The following STIM2 variants were observed in gnomAD, a reference collection of about 807,000 sequenced individuals.
STIM2 encodes stromal interaction molecule 2.
STIM2 carries 31 observed loss-of-function variants against 85.8 expected under a neutral mutation model. That is an observed-to-expected ratio of 0.36 (90% CI 0.27 to 0.49). The LOEUF is 0.49. Ranked by LOEUF, STIM2 falls within the 20% of genes least tolerant of loss-of-function variation. STIM2 has a pLI of 0.98. For missense variants in STIM2, 841 were observed against 927.6 expected (o/e 0.91, Z 1.21); for synonymous variants, 356 against 331.1 (o/e 1.08, Z -0.82).
chr4:26,892,541 A>G lies in STIM2; in HGVS notation c.152-26963A>G, dbSNP rs2109045927. On this transcript the variant is annotated intron_variant, in intron 1 of 11. Transcript: ENST00000467087. Reference sequence around the variant, plus strand: ...TATGAATTTTTTTGGGGGGGGACGCATATATTCAGTCCATGACACCCCTGG... The same window carrying G: ...TATGAATTTTTTTGGGGGGGGACGCGTATATTCAGTCCATGACACCCCTGG... Among the ~76,000 whole-genome samples the G allele has an allele frequency of 2.0e-5, 3 of 152,246 alleles. No individual in the cohort carries two copies. The South Asian group carries it at 6.2e-4, about 32-fold the overall frequency.
intron 3 of STIM2, among the ~76,000 whole-genome samples, chr4:26,985,287 T>C (rs958766527): frequency 3.9e-5 from 6 of 152,378 alleles, no homozygotes; most frequent in Middle Eastern, 3.4e-3. Context: ...TTAAAAATTC[T>C]TATTTTTAAA....
intron 2 of STIM2, among the ~76,000 whole-genome samples, chr4:26,954,359 A>T: frequency 8.0e-6 from 1 of 125,564 alleles, no homozygotes; most frequent in East Asian, 1.9e-4. Context: ...TACCTTGTCA[A>T]TTTAGGATTC....
At position 27,008,884 on chromosome 4, in the gene STIM2, C is replaced by G. The variant is rs1728464882; in HGVS notation, c.1371C>G (p.Ser457=). ...CAGGACTCCCCAGCCTGACCTCTTC[C>G]CTTTATTCTGATCACAGCTGGGTGG... Residue 457 remains serine (S), a synonymous_variant, in exon 10 of 12, where the codon TCC becomes TCG. Transcript: ENST00000467087. 1 of 1,614,122 alleles carries G rather than the reference C, an allele frequency of 6.2e-7. No individual in the cohort carries two copies.
chr4:27,014,259 C>T (rs1281526984), intron 10 of STIM2, among the ~76,000 whole-genome samples: 1 of 151,570 alleles, frequency 6.6e-6, no homozygotes, highest in East Asian at 1.9e-4. Flanking sequence ...ATTTATACAC[C>T]TCCCACATGA....
At chr4:26,874,305 T>A (rs1233433088) in intron 1 of STIM2, 2 of 374,850 alleles carry the variant, frequency 5.3e-6, no homozygotes, top group Non-Finnish European at 1.1e-5. Context: ...ACTGGAGAGA[T>A]CTCCGGCGCA....
At chr4:26,984,290 G>A (rs1346024570) in intron 3 of STIM2, among the ~76,000 whole-genome samples, 2 of 152,162 alleles carry the variant, frequency 1.3e-5, no homozygotes, top group East Asian at 1.9e-4. Context: ...AACATGTTGG[G>A]AATATAGAAT....
In STIM2 at chr4:27,024,592, A is replaced by C. The variant is rs549443576; in HGVS notation, c.*1596A>C. On this transcript the variant is annotated 3_prime_UTR_variant, in exon 12 of 12. Transcript: ENST00000467087. ...AATTGTGATTGTTTATTCTATTACT[A>C]TTGTTAAAAACTTGAATGGTATTTA... 6.6e-6 allele frequency: 1 copy of C among 152,204 alleles called. No homozygotes were observed. The highest frequency in any genetic ancestry group is 6.5e-5 in the Admixed American group (1 of 15,288). 9.4% of individuals were successfully genotyped at this position (152,204 alleles called of 1,614,324 possible). A position where few individuals can be genotyped will look rare whatever the true frequency, so the allele number is the denominator to read the frequency against.
At chr4:27,019,488 A>G (rs1395857827) in intron 11 of STIM2, 1 of 1,289,784 alleles carries the variant, frequency 7.8e-7, no homozygotes, top group Non-Finnish European at 1.0e-6. Flanking sequence ...CGAGAGCTGC[A>G]CTGTCTAATA....
Position 26,930,484 on chromosome 4 carries a change from T to A in STIM2, c.282+10850T>A, listed in dbSNP as rs549088278. Among the ~76,000 whole-genome samples the A allele has an allele frequency of 2.0e-5, 3 of 149,350 alleles. No homozygotes were observed. In the East Asian group the frequency reaches 5.9e-4, roughly 29 times the overall value. On this transcript the variant is annotated intron_variant, in intron 2 of 11. Coordinates refer to ENST00000467087, the MANE Select transcript of STIM2 (RefSeq NM_020860.4). ...ATAGGTAGTTTTAGAGGTTTTTTTT[T>A]ATCAGTTTGTTTGATATACATATAT...
chr4:27,000,549 T>C (rs980413977), intron 5 of STIM2, among the ~76,000 whole-genome samples: 8 of 152,230 alleles, frequency 5.3e-5, no homozygotes, highest in African/African-American at 1.9e-4. Context: ...ATTTACAACT[T>C]GATCAGGAAT....
rs995307631 is a variant in STIM2 at position 26,955,355 on chromosome 4, A to G, written c.283-2257A>G. 8.1e-5 allele frequency among the ~76,000 whole-genome samples: 12 copies of G among 147,744 alleles called. No homozygotes were observed. The East Asian group carries it at 2.1e-3, about 26-fold the overall frequency. ...TGTAGTAAAGATAATTTTTTAGGAC[A>G]TTGTCTTTAATATATATTACGTAAA... On this transcript the variant is annotated intron_variant, in intron 2 of 11. Coordinates refer to ENST00000467087, the MANE Select transcript of STIM2 (RefSeq NM_020860.4).
At chr4:27,009,815 G>A (rs1040494171) in intron 10 of STIM2, among the ~76,000 whole-genome samples, 4 of 152,150 alleles carry the variant, frequency 2.6e-5, no homozygotes, top group African/African-American at 9.7e-5. Context: ...TGAATTATAT[G>A]CACTTAAGCT....
chr4:27,004,128 G>A (rs1728252846), intron 7 of STIM2, among the ~76,000 whole-genome samples: 1 of 152,108 alleles, frequency 6.6e-6, no homozygotes, highest in South Asian at 2.1e-4. Context: ...AATGACATAA[G>A]GTCAACTCAT....
At chr4:26,951,858 T>C (rs1726065572) in intron 2 of STIM2, among the ~76,000 whole-genome samples, 1 of 152,172 alleles carries the variant, frequency 6.6e-6, no homozygotes, top group African/African-American at 2.4e-5. Flanking sequence ...GTCTAAGTAA[T>C]GGATGGCAAG....
intron 1 of STIM2, among the ~76,000 whole-genome samples, chr4:26,903,190 T>G (rs1201509508): frequency 6.6e-6 from 1 of 152,130 alleles, no homozygotes; most frequent in Non-Finnish European, 1.5e-5. Flanking sequence ...CTTGGGATAA[T>G]AAAATAACTT....
intron 1 of STIM2, among the ~76,000 whole-genome samples, chr4:26,868,240 A>G (rs754794167): frequency 2.6e-5 from 4 of 152,198 alleles, no homozygotes; most frequent in African/African-American, 9.7e-5. Context: ...TTGGACTAAC[A>G]TTCATCTCAG....
intron 3 of STIM2, among the ~76,000 whole-genome samples, chr4:26,960,093 T>G (rs1223312519): frequency 2.0e-5 from 3 of 152,128 alleles, no homozygotes; most frequent in African/African-American, 7.2e-5. Context: ...AGAGCACTGG[T>G]TTTTAAAACA....
At chr4:26,890,889 C>T (rs1214951621) in intron 1 of STIM2, among the ~76,000 whole-genome samples, 1 of 151,478 alleles carries the variant, frequency 6.6e-6, no homozygotes, top group African/African-American at 2.4e-5. Flanking sequence ...GCTCTAAGAT[C>T]CTAAGGGTCT....
At chr4:26,975,829 C>T (rs1281324392) in intron 3 of STIM2, among the ~76,000 whole-genome samples, 1 of 152,312 alleles carries the variant, frequency 6.6e-6, no homozygotes, top group East Asian at 1.9e-4. Flanking sequence ...TGTCTGCTGC[C>T]TTTTGTTCAG....
Sources: gnomAD v4.1 joint callset for allele counts (sites outside exome capture counted in the v4.1 genomes callset) on GRCh38, gnomAD v4.1.1 for gene constraint, MANE v1.5 for transcripts, NCBI Gene and HGNC (gene_info 2026-07-23, HGNC 2026-07-21) for gene names.